The following SDK1 variants were observed in gnomAD, a reference collection of about 807,000 sequenced individuals.
SDK1 encodes the protein sidekick cell adhesion molecule 1, also known as protein sidekick-1.
Under a neutral mutation model 245.5 loss-of-function variants are expected in SDK1, and 157 were observed. The ratio of observed to expected loss-of-function variants is 0.64; its 90% CI spans 0.56 to 0.73. The LOEUF (loss-of-function observed/expected upper bound fraction) is 0.73. Among genes scored for constraint, SDK1 ranks in the 30% least tolerant of loss-of-function variants. The probability of loss-of-function intolerance (pLI) is 0.00; values close to 1 mark genes in which losing one functional copy is unlikely to be tolerated. For missense variants in SDK1, 3,583 were observed against 3,002.3 expected (o/e 1.19, Z -4.52); for synonymous variants, 1,647 against 1,278.5 (o/e 1.29, Z -6.15).
At chr7:3,735,534 C>A (rs972310129) in intron 4 of SDK1, among the ~76,000 whole-genome samples, 1 of 152,206 alleles carries the variant, frequency 6.6e-6, no homozygotes, top group African/African-American at 2.4e-5. Flanking sequence ...TCACTGGATG[C>A]ATAGGGCACG....
chr7:3,608,698 G>C (rs758832206), intron 1 of SDK1, among the ~76,000 whole-genome samples: 22 of 152,134 alleles, frequency 1.4e-4, no homozygotes, highest in Non-Finnish European at 3.1e-4. Context: ...GGAAAGACAT[G>C]TGTATGGATA....
At chr7:3,638,681 GC>G (rs1426994841) in intron 2 of SDK1, among the ~76,000 whole-genome samples, 1 of 150,450 alleles carries the variant, frequency 6.6e-6, no homozygotes, top group Non-Finnish European at 1.5e-5. Flanking sequence ...TATACCTAAT[GC>G]TAAATGACGA....
intron 43 of SDK1, among the ~76,000 whole-genome samples, chr7:4,243,885 A>G (rs1000917502): frequency 6.6e-6 from 1 of 152,188 alleles, no homozygotes; most frequent in Non-Finnish European, 1.5e-5. Context: ...TCTTAGAAAT[A>G]CGGGCACAGT....
intron 1 of SDK1, among the ~76,000 whole-genome samples, chr7:3,568,233 T>C (rs1308197792): frequency 1.3e-5 from 2 of 152,222 alleles, no homozygotes; most frequent in Admixed American, 6.5e-5. Context: ...TAATTTAATA[T>C]GCATTTAATA....
rs200134983 is a variant in SDK1 at position 3,562,038 on chromosome 7, A to G, written c.299-57042A>G. On this transcript the variant is annotated intron_variant, in intron 1 of 44. Coordinates refer to ENST00000404826, the MANE Select transcript of SDK1 (RefSeq NM_152744.4). Reference sequence around the variant, plus strand: ...AAATATTTTAGGCCTCCGTTTTTCAACAACCCACAGCTGTGTGTACATAGT... The same window carrying G: ...AAATATTTTAGGCCTCCGTTTTTCAGCAACCCACAGCTGTGTGTACATAGT... Among the ~76,000 whole-genome samples, 30 of 152,336 alleles carry G rather than the reference A, an allele frequency of 2.0e-4. No homozygotes were observed. In the East Asian group the frequency reaches 2.1e-3, roughly 11 times the overall value.
chr7:3,579,342 T>C (rs1780408699), intron 1 of SDK1, among the ~76,000 whole-genome samples: 3 of 152,208 alleles, frequency 2.0e-5, no homozygotes, highest in African/African-American at 7.2e-5. Context: ...CAGGTAGGCG[T>C]TATCCCTGGG....
At chr7:4,067,230 C>T (rs7808191) in intron 19 of SDK1, among the ~76,000 whole-genome samples, 1 of 152,172 alleles carries the variant, frequency 6.6e-6, no homozygotes, top group African/African-American at 2.4e-5. Context: ...AAGCGTAACT[C>T]TGCGGCTCTG....
intron 4 of SDK1, among the ~76,000 whole-genome samples, chr7:3,749,783 T>C (rs925603260): frequency 5.3e-5 from 8 of 152,202 alleles, no homozygotes; most frequent in East Asian, 1.9e-4. Context: ...TGTATTCTAA[T>C]GGTAGTCATG....
At chr7:4,192,172 C>T (rs1783248125) in intron 35 of SDK1, among the ~76,000 whole-genome samples, 1 of 152,230 alleles carries the variant, frequency 6.6e-6, no homozygotes, top group African/African-American at 2.4e-5. Flanking sequence ...GTGTCAGTTA[C>T]AGATGGAAGG....
At chr7:3,906,399 T>TGAGAGA (rs148339952) in intron 5 of SDK1, among the ~76,000 whole-genome samples, 1 of 149,918 alleles carries the variant, frequency 6.7e-6, no homozygotes, top group African/African-American at 2.5e-5. Context: ...TGTGTGTGTG[T>TGAGAGA]GAGAGAGAGA....
intron 4 of SDK1, among the ~76,000 whole-genome samples, chr7:3,654,027 CGTTCATCTTTCTGT>C (rs1562633039): frequency 6.6e-6 from 1 of 152,100 alleles, no homozygotes; most frequent in Non-Finnish European, 1.5e-5. Context: ...AGGTAAAAAA[CGTTCATCTTTCTGT>C]GGCTCTCTGG....
intron 14 of SDK1, among the ~76,000 whole-genome samples, chr7:3,993,461 G>A (rs951357729): frequency 1.4e-4 from 22 of 151,880 alleles, no homozygotes; most frequent in Admixed American, 4.6e-4. Context: ...TCAGTCCTAC[G>A]GTTAGTTTTT....
chr7:3,490,472 T>A (rs1781833287), intron 1 of SDK1, among the ~76,000 whole-genome samples: 1 of 152,218 alleles, frequency 6.6e-6, no homozygotes, highest in Non-Finnish European at 1.5e-5. Context: ...CAGTCATTCC[T>A]GTGTTCTGTA....
intron 4 of SDK1, among the ~76,000 whole-genome samples, chr7:3,813,235 A>G (rs1468993583): frequency 2.8e-5 from 4 of 144,082 alleles, no homozygotes; most frequent in African/African-American, 7.7e-5. Flanking sequence ...AGCATTAGGT[A>G]TATCTCCCAA....
intron 12 of SDK1, among the ~76,000 whole-genome samples, chr7:3,972,609 A>C (rs763310547): frequency 2.0e-5 from 3 of 152,200 alleles, no homozygotes; most frequent in Non-Finnish European, 2.9e-5. Context: ...CTCTGGCCTT[A>C]GCCCAGAAGG....
intron 4 of SDK1, among the ~76,000 whole-genome samples, chr7:3,653,886 T>C (rs1249124106): frequency 6.6e-6 from 1 of 152,158 alleles, no homozygotes; most frequent in East Asian, 1.9e-4. Context: ...GAGAGGATGA[T>C]CTCTTCCTCC....
chr7:3,491,802 A>C (rs758408458), intron 1 of SDK1, among the ~76,000 whole-genome samples: 30 of 152,222 alleles, frequency 2.0e-4, no homozygotes, highest in Non-Finnish European at 4.4e-4. Flanking sequence ...ACTTTTTCTC[A>C]TATGCCAACG....
At chr7:4,059,943 A>G (rs1301194060) in intron 19 of SDK1, among the ~76,000 whole-genome samples, 1 of 149,408 alleles carries the variant, frequency 6.7e-6, no homozygotes, top group Non-Finnish European at 1.5e-5. Flanking sequence ...GCAGTGGCGC[A>G]GTCTCGGCTC....
chr7:3,994,368 G>T (rs1031001748), intron 14 of SDK1, among the ~76,000 whole-genome samples: 1 of 152,132 alleles, frequency 6.6e-6, no homozygotes, highest in Non-Finnish European at 1.5e-5. Context: ...CAGGCTGGGC[G>T]CAGTGGCTCA....
Sources: gnomAD v4.1 joint callset for allele counts (sites outside exome capture counted in the v4.1 genomes callset) on GRCh38, gnomAD v4.1.1 for gene constraint, MANE v1.5 for transcripts, NCBI Gene and HGNC (gene_info 2026-07-23, HGNC 2026-07-21) for gene names.